The following ZNF143 variants were observed in gnomAD, a reference collection of about 807,000 sequenced individuals.
The protein encoded by ZNF143 is zinc finger protein 143, also known as SPH-binding factor.
In ZNF143, 49 loss-of-function variants were observed where a neutral mutation model predicts 74.1. That is an observed-to-expected ratio of 0.66 (90% CI 0.53 to 0.84). The LOEUF is 0.84. ZNF143 is among the 40% of genes least tolerant of loss of function. ZNF143 has a pLI of 0.00. For missense variants in ZNF143, 637 were observed against 793.4 expected (o/e 0.80, Z 2.37); for synonymous variants, 304 against 282.8 (o/e 1.07, Z -0.75).
At chr11:9,491,915 C>G (rs923325578) in intron 7 of ZNF143, among the ~76,000 whole-genome samples, 26 of 152,084 alleles carry the variant, frequency 1.7e-4, no homozygotes, top group Non-Finnish European at 3.7e-4. Context: ...TAGGCTTGAG[C>G]CACTGTGCCC....
In ZNF143 at chr11:9,478,518, G is replaced by A; in HGVS notation, c.502G>A (p.Gly168Ser). 6.2e-7 allele frequency: 1 copy of A among 1,614,154 alleles called. No homozygotes were observed. The highest frequency in any genetic ancestry group is 1.3e-5 in the African/African-American group (1 of 75,050). Residue 168 changes from glycine (G) to serine (S), a missense_variant, in exon 6 of 16, where the codon GGT becomes AGT. Physicochemically the swap from Gly to Ser is moderately conservative, Grantham distance 56 (BLOSUM62 0). Coordinates refer to ENST00000396602, the MANE Select transcript of ZNF143 (RefSeq NM_003442.6). ...AATTCAGGCTGATGGGACAGTGGCA[G>A]GTCTGCACACTGGGGATGCTACAAT... ...LAIQADGTVA[G>S]LHTGDATIDP... is the part of the protein sequence containing the mutation.
chr11:9,472,717 A>G lies in ZNF143; in HGVS notation c.153A>G (p.Gln51=). Residue 51 remains glutamine, a synonymous_variant, in exon 3 of 16, where the codon CAA becomes CAG. Transcript: ENST00000396602. The part of the protein sequence containing the change: ...NLENMEGVSL[Q]AVTLADGSTA... Reference sequence around the variant, plus strand: ...AAAATATGGAAGGCGTAAGCTTGCAAGCAGTAACACTTGCAGATGGTTCTA... The same window carrying G: ...AAAATATGGAAGGCGTAAGCTTGCAGGCAGTAACACTTGCAGATGGTTCTA... The G allele has an allele frequency of 6.2e-7, 1 of 1,605,506 alleles. No individual in the cohort carries two copies. Among genetic ancestry groups the G allele is most frequent in the Middle Eastern group, 1.7e-4 (1 of 6,006 alleles).
At chr11:9,521,978 A>G (rs1197731287) in intron 14 of ZNF143, among the ~76,000 whole-genome samples, 1 of 150,904 alleles carries the variant, frequency 6.6e-6, no homozygotes, top group Non-Finnish European at 1.5e-5. Context: ...AGGTGGGAGG[A>G]TCATTTGAGC....
At chr11:9,465,995 AT>A (rs142606023) in intron 1 of ZNF143, among the ~76,000 whole-genome samples, 324 of 137,924 alleles carry the variant, frequency 2.3e-3, no homozygotes, top group Middle Eastern at 4.2e-3. Context: ...TGTCTGGCTA[AT>A]TTTTTTTTTT....
chr11:9,487,938 G>C (rs1315207858), intron 7 of ZNF143, among the ~76,000 whole-genome samples: 1 of 152,092 alleles, frequency 6.6e-6, no homozygotes, highest in African/African-American at 2.4e-5. Context: ...AACATCTGTA[G>C]AATCAGCTAT....
chr11:9,462,964 A>G (rs553338706), intron 1 of ZNF143, among the ~76,000 whole-genome samples: 6 of 152,194 alleles, frequency 3.9e-5, no homozygotes, highest in African/African-American at 1.4e-4. Flanking sequence ...AAGAAACTAT[A>G]CCCGTTAGCA....
At chr11:9,480,328 C>A (rs180694686) in intron 7 of ZNF143, among the ~76,000 whole-genome samples, 1 of 152,212 alleles carries the variant, frequency 6.6e-6, no homozygotes, top group African/African-American at 2.4e-5. Flanking sequence ...TAGTACATTC[C>A]TGCTTTAATG....
chr11:9,496,988 C>CT (rs1276566382), intron 9 of ZNF143, among the ~76,000 whole-genome samples: 1 of 152,216 alleles, frequency 6.6e-6, no homozygotes, highest in Non-Finnish European at 1.5e-5. Flanking sequence ...GTCATAGACT[C>CT]TAACATCAGG....
At chr11:9,502,312 C>CTATTTAAAGTG (rs1292697547) in intron 11 of ZNF143, among the ~76,000 whole-genome samples, 1 of 116,570 alleles carries the variant, frequency 8.6e-6, no homozygotes, top group Non-Finnish European at 1.6e-5. Context: ...TACAATTCAT[C>CTATTTAAAGTG]TATTTAAAGT....
chr11:9,506,436 A>G (rs1182650912), intron 11 of ZNF143, among the ~76,000 whole-genome samples: 2 of 152,260 alleles, frequency 1.3e-5, no homozygotes, highest in Non-Finnish European at 2.9e-5. Flanking sequence ...AGATGCCTAC[A>G]TTAAGTTTGG....
At chr11:9,461,917 G>A (rs1033856404) in intron 1 of ZNF143, 1 of 152,206 alleles carries the variant, frequency 6.6e-6, no homozygotes, top group African/African-American at 2.4e-5. Context: ...CTTTGGAAGT[G>A]TCTAAATCAG....
intron 10 of ZNF143, among the ~76,000 whole-genome samples, chr11:9,498,013 G>C (rs1848027441): frequency 6.6e-6 from 1 of 151,984 alleles, no homozygotes; most frequent in African/African-American, 2.4e-5. Flanking sequence ...TGTATTTTTA[G>C]TAGAGACGGG....
chr11:9,482,536 C>T (rs1341298361), intron 7 of ZNF143, among the ~76,000 whole-genome samples: 1 of 151,636 alleles, frequency 6.6e-6, no homozygotes, highest in African/African-American at 2.4e-5. Context: ...TCCCATAGTG[C>T]TGGGATTATA....
At chr11:9,511,667 A>T (rs774361512) in intron 12 of ZNF143, among the ~76,000 whole-genome samples, 1 of 149,902 alleles carries the variant, frequency 6.7e-6, no homozygotes, top group Admixed American at 6.7e-5. Flanking sequence ...CGAACTCCCA[A>T]CCTCAGGTGA....
At position 9,497,763 on chromosome 11, in the gene ZNF143, T is replaced by C. The variant is rs1270664345; in HGVS notation, c.930T>C (p.Thr310=). 1 of 1,611,770 alleles carries C rather than the reference T, an allele frequency of 6.2e-7. No homozygotes were observed. Among genetic ancestry groups the C allele is most frequent in the Admixed American group, 1.7e-5 (1 of 59,858 alleles). The change falls in exon 10 of 16, where the codon ACT becomes ACC. Residue 310 remains threonine (T), a synonymous_variant. Transcript: ENST00000396602. ...ATAATTGTACTAAATCTTTCAAAAC[T>C]TCAGGAGATCTACAGAAACACATCA... ...SEDNCTKSFK[T]SGDLQKHIRT... is the part of the protein sequence containing the mutation.
chr11:9,504,673 CTTT>C (rs869310966), intron 11 of ZNF143, among the ~76,000 whole-genome samples: 1 of 89,442 alleles, frequency 1.1e-5, no homozygotes, highest in Non-Finnish European at 2.6e-5. Flanking sequence ...TTTCTTTTTT[CTTT>C]TTTTTTTTTT....
At chr11:9,516,501 C>CT (rs1724271469) in intron 14 of ZNF143, 139 bp downstream of exon 14, 3 of 763,064 alleles carry the variant, frequency 3.9e-6, no homozygotes, top group Non-Finnish European at 6.1e-6. Flanking sequence ...CTACTTAACC[C>CT]TCAGAGCCTG....
chr11:9,481,947 A>T (rs183942632), intron 7 of ZNF143, among the ~76,000 whole-genome samples: 176 of 147,706 alleles, frequency 1.2e-3, no homozygotes, highest in African/African-American at 4.0e-3. Flanking sequence ...CTGCTGAGGC[A>T]AAATGTCATT....
At chr11:9,482,954 C>A (rs1462860933) in intron 7 of ZNF143, among the ~76,000 whole-genome samples, 5 of 150,922 alleles carry the variant, frequency 3.3e-5, no homozygotes, top group Non-Finnish European at 7.4e-5. Context: ...TAATTTTTTT[C>A]AATTGGTTAC....
Sources: gnomAD v4.1 joint callset for allele counts (sites outside exome capture counted in the v4.1 genomes callset) on GRCh38, gnomAD v4.1.1 for gene constraint, MANE v1.5 for transcripts, NCBI Gene and HGNC (gene_info 2026-07-23, HGNC 2026-07-21) for gene names.